IFT43: variants seen among roughly 807,000 people sequenced by gnomAD.
The protein encoded by IFT43 is intraflagellar transport 43, also known as intraflagellar transport protein 43 homolog.
IFT43 carries 33 observed loss-of-function variants against 32.3 expected under a neutral mutation model. That is an observed-to-expected ratio of 1.02 (90% CI 0.77 to 1.37). The LOEUF (loss-of-function observed/expected upper bound fraction) is 1.37. Among genes scored for constraint, IFT43 ranks in the 40% most tolerant of loss-of-function variants. IFT43 has a pLI of 0.00. For missense variants in IFT43, 274 were observed against 265.9 expected, an observed-to-expected ratio of 1.03 and a Z score of -0.21; for synonymous variants, 93 against 98.2, an observed-to-expected ratio of 0.95 and a Z score of 0.31.
At chr14:75,999,252 TATATATATATATATATATATGTA>T (rs1219550012) in intron 2 of IFT43, among the ~76,000 whole-genome samples, 41 of 11,440 alleles carry the variant, frequency 3.6e-3, no homozygotes, top group African/African-American at 0.015. Context: ...TATATATATA[TATATATATATATATATATATGTA>T]TATATATTTT....
intron 2 of IFT43, chr14:76,013,898 A>G (rs1319767369): frequency 4.3e-6 from 1 of 234,618 alleles, no homozygotes; most frequent in Non-Finnish European, 9.3e-6. Flanking sequence ...AACAAAACAA[A>G]GATTTATCAC....
chr14:76,053,071 C>G (rs897628269), intron 3 of IFT43, among the ~76,000 whole-genome samples: 5 of 152,146 alleles, frequency 3.3e-5, no homozygotes, highest in Admixed American at 6.5e-5. Flanking sequence ...ACTTACCTCT[C>G]TTGAGCTCCT....
intron 5 of IFT43, among the ~76,000 whole-genome samples, chr14:76,062,948 A>AAATAAAATG (rs2037169710): frequency 7.1e-6 from 1 of 141,218 alleles, no homozygotes; most frequent in Non-Finnish European, 1.5e-5. Flanking sequence ...AAAAGAAAAT[A>AAATAAAATG]CATTAAGTCA....
intron 3 of IFT43, 80 bp from the exon 4 acceptor site, chr14:76,058,562 T>A: frequency 6.3e-7 from 1 of 1,578,252 alleles, no homozygotes; most frequent in East Asian, 2.2e-5. Flanking sequence ...CCTCCACTTT[T>A]GAAACCTTCC....
chr14:76,002,747 A>T (rs1364905898), intron 2 of IFT43, among the ~76,000 whole-genome samples: 1 of 152,268 alleles, frequency 6.6e-6, no homozygotes, highest in Non-Finnish European at 1.5e-5. Context: ...AAGTGTTTTC[A>T]TAATAATTTG....
rs117469640 is a variant in IFT43 at position 76,042,602 on chromosome 14, G to C, written c.216-16040G>C. On this transcript the variant is annotated intron_variant, in intron 3 of 8. Coordinates refer to ENST00000314067, the MANE Select transcript of IFT43 (RefSeq NM_001102564.3). ...CAGCTGCCTGACCCACCAGAAGAAG[G>C]TGAGTGCAGAGGATGCAGCCTGTGC... Among the ~76,000 whole-genome samples the C allele has an allele frequency of 9.2e-5, 14 of 152,366 alleles. No individual in the cohort carries two copies. In the East Asian group the frequency reaches 1.9e-3, roughly 21 times the overall value.
chr14:76,063,318 T>TTG (rs953386451), intron 5 of IFT43, among the ~76,000 whole-genome samples: 11 of 152,198 alleles, frequency 7.2e-5, no homozygotes, highest in African/African-American at 2.7e-4. Flanking sequence ...CTGCCCAGGC[T>TTG]TGTGGAGTTT....
intron 3 of IFT43, among the ~76,000 whole-genome samples, chr14:76,041,288 G>A (rs1475535926): frequency 1.3e-5 from 2 of 152,228 alleles, no homozygotes; most frequent in Admixed American, 6.5e-5. Flanking sequence ...TTGTAAAGTT[G>A]GAGGGTCTTA....
chr14:76,056,253 A>C lies in IFT43; in HGVS notation c.216-2389A>C, dbSNP rs147474012. On this transcript the variant is annotated intron_variant, in intron 3 of 8. Coordinates refer to ENST00000314067, the MANE Select transcript of IFT43 (RefSeq NM_001102564.3). The stretch of plus-strand genomic sequence containing the variant: ...TTATTTCTGGCAGAGAGAGAGAATG[A>C]GAGAGAACACGCCACCTGAGGGCAT... 1.2e-4 allele frequency among the ~76,000 whole-genome samples: 18 copies of C among 152,294 alleles called. No homozygotes were observed. The East Asian group carries it at 3.5e-3, about 29-fold the overall frequency.
chr14:75,999,051 T>A (rs140428994), intron 2 of IFT43, among the ~76,000 whole-genome samples: 169 of 151,726 alleles, frequency 1.1e-3, no homozygotes, highest in African/African-American at 4.0e-3. Context: ...TCTCTTTATT[T>A]TTTTCTCTCT....
At chr14:75,986,189 G>T in intron 1 of IFT43, 1 of 1,318,834 alleles carries the variant, frequency 7.6e-7, no homozygotes, top group Non-Finnish European at 9.9e-7. Flanking sequence ...CCCCGGCCGG[G>T]GTCGCACTCG....
chr14:75,996,896 AT>A (rs1416265915), intron 2 of IFT43, among the ~76,000 whole-genome samples: 1 of 152,196 alleles, frequency 6.6e-6, no homozygotes, highest in Non-Finnish European at 1.5e-5. Flanking sequence ...TGTGCCAGGT[AT>A]TGTGCTTTGA....
At chr14:76,012,762 A>C (rs1350070498) in intron 2 of IFT43, among the ~76,000 whole-genome samples, 1 of 151,414 alleles carries the variant, frequency 6.6e-6, no homozygotes, top group Non-Finnish European at 1.5e-5. Context: ...ATATTTTAAG[A>C]CTCTTTCTTT....
At chr14:76,046,880 G>A (rs1208931746) in intron 3 of IFT43, among the ~76,000 whole-genome samples, 2 of 152,170 alleles carry the variant, frequency 1.3e-5, no homozygotes, top group Non-Finnish European at 2.9e-5. Context: ...CACAGTCTGG[G>A]TAGTTTATAA....
rs748356153 is a variant in IFT43, at chr14:75,985,825, C to G, written c.39C>G (p.Tyr13Ter). 6.2e-7 allele frequency: 1 copy of G among 1,614,040 alleles called. No individual in the cohort carries two copies. The highest frequency in any genetic ancestry group is 8.5e-7 in the Non-Finnish European group (1 of 1,180,024). Residue 13 changes from tyrosine to a stop codon, truncating the protein, a stop_gained, in exon 1 of 9, where the codon TAC (tyrosine) becomes TAG (stop). Transcript: ENST00000314067. LOFTEE classifies it high-confidence loss of function. ...TCGACTTGGACGAGGAGCTTCGCTA[C>G]AGCTTGGCTACCTCCGTGAGGACCA... ...DLLDLDEELR[Y>*]SLATSRAKMG...
At chr14:76,018,979 G>A (rs946889199) in intron 2 of IFT43, among the ~76,000 whole-genome samples, 3 of 152,040 alleles carry the variant, frequency 2.0e-5, no homozygotes, top group Non-Finnish European at 2.9e-5. Context: ...CCAGTTTAGT[G>A]AGGAGTTTAA....
intron 3 of IFT43, among the ~76,000 whole-genome samples, chr14:76,049,790 T>C (rs141904171): frequency 1.2e-4 from 18 of 151,842 alleles, no homozygotes; most frequent in Non-Finnish European, 2.4e-4. Flanking sequence ...TTGCAAAATA[T>C]TAGATCATTG....
chr14:76,047,387 AG>A (rs1399162148), intron 3 of IFT43, among the ~76,000 whole-genome samples: 1 of 152,176 alleles, frequency 6.6e-6, no homozygotes, highest in African/African-American at 2.4e-5. Context: ...AAGGTTTAGC[AG>A]GTCTATGTAG....
intron 3 of IFT43, among the ~76,000 whole-genome samples, chr14:76,046,041 A>G (rs907686168): frequency 4.6e-5 from 7 of 152,282 alleles, no homozygotes; most frequent in South Asian, 4.1e-4. Flanking sequence ...GTGTGTAGGT[A>G]GTGCAGAAAC....
Sources: allele counts gnomAD v4.1 joint callset (sites outside exome capture counted in the v4.1 genomes callset), GRCh38; gene constraint gnomAD v4.1.1; transcripts MANE v1.5; gene names NCBI Gene and HGNC (gene_info 2026-07-23, HGNC 2026-07-21).